The following NELL1 variants were observed in gnomAD, a reference collection of about 807,000 sequenced individuals.
NELL1 encodes the protein protein kinase C-binding protein NELL1.
Under a neutral mutation model 107.4 loss-of-function variants are expected in NELL1, and 76 were observed. The observed-to-expected ratio is 0.71, with a 90% CI of 0.59 to 0.86. The LOEUF (loss-of-function observed/expected upper bound fraction) is 0.86. NELL1 is among the 40% of genes least tolerant of loss of function. The pLI is 0.00. For missense variants in NELL1, 1,024 were observed against 1,005.5 expected (o/e 1.02, Z -0.25); for synonymous variants, 353 against 341.2 (o/e 1.03, Z -0.38).
At chr11:21,529,855 T>C (rs1855951901) in intron 15 of NELL1, among the ~76,000 whole-genome samples, 1 of 152,190 alleles carries the variant, frequency 6.6e-6, no homozygotes, top group Non-Finnish European at 1.5e-5. Flanking sequence ...TGATGTTTGA[T>C]TTTATCATTC....
chr11:21,168,129 G>A (rs1245038837), intron 13 of NELL1, among the ~76,000 whole-genome samples: 1 of 151,734 alleles, frequency 6.6e-6, no homozygotes. Flanking sequence ...TGGTGTTTAA[G>A]TATTTGTAAA....
At chr11:20,774,837 C>T (rs1856717689) in intron 2 of NELL1, among the ~76,000 whole-genome samples, 1 of 151,990 alleles carries the variant, frequency 6.6e-6, no homozygotes, top group African/African-American at 2.4e-5. Context: ...ACCTTTGGTG[C>T]TTAGAGTTTT....
chr11:20,765,067 A>T (rs1042909478), intron 2 of NELL1, among the ~76,000 whole-genome samples: 2 of 152,102 alleles, frequency 1.3e-5, no homozygotes, highest in Non-Finnish European at 2.9e-5. Context: ...CTGAGGTAGG[A>T]GGATTGCTTA....
At chr11:21,508,486 A>G (rs1209434719) in intron 15 of NELL1, among the ~76,000 whole-genome samples, 14 of 152,170 alleles carry the variant, frequency 9.2e-5, no homozygotes, top group Admixed American at 9.2e-4. Context: ...GAAAATAAAA[A>G]GGGGACATAT....
chr11:20,711,430 A>G (rs191268718), intron 2 of NELL1, among the ~76,000 whole-genome samples: 131 of 152,118 alleles, frequency 8.6e-4, no homozygotes, highest in Non-Finnish European at 1.5e-3. Context: ...GTTGTTGCCT[A>G]AGTACCTTGT....
intron 16 of NELL1, among the ~76,000 whole-genome samples, chr11:21,537,306 C>T (rs1394103757): frequency 6.6e-6 from 1 of 152,120 alleles, no homozygotes; most frequent in East Asian, 1.9e-4. Flanking sequence ...ATATGGCCTT[C>T]ATGGTTTTAG....
chr11:20,884,884 T>A (rs1483392456), intron 4 of NELL1, among the ~76,000 whole-genome samples: 1 of 152,244 alleles, frequency 6.6e-6, no homozygotes, highest in Non-Finnish European at 1.5e-5. Flanking sequence ...GGACGATGAC[T>A]TAAGCTGTGT....
intron 3 of NELL1, among the ~76,000 whole-genome samples, chr11:20,826,040 C>G (rs1857876087): frequency 6.6e-6 from 1 of 151,442 alleles, no homozygotes; most frequent in East Asian, 1.9e-4. Flanking sequence ...CCACTTTGCT[C>G]TGCACTTCTT....
At chr11:20,948,254 T>A (rs1444286101) in intron 11 of NELL1, among the ~76,000 whole-genome samples, 1 of 151,978 alleles carries the variant, frequency 6.6e-6, no homozygotes, top group Non-Finnish European at 1.5e-5. Flanking sequence ...GGTCTTGCTA[T>A]GTTGCCCAGG....
At chr11:20,807,675 T>A (rs1004893885) in intron 3 of NELL1, among the ~76,000 whole-genome samples, 1 of 152,226 alleles carries the variant, frequency 6.6e-6, no homozygotes, top group African/African-American at 2.4e-5. Flanking sequence ...AGAGATTCCA[T>A]CTGGGAGCCA....
In NELL1 at chr11:21,553,256, T is replaced by C. The variant is rs117455496; in HGVS notation, c.1787-6933T>C. On this transcript the variant is annotated intron_variant, in intron 16 of 19. Coordinates refer to ENST00000357134, the MANE Select transcript of NELL1 (RefSeq NM_006157.5). ...TCACCTTGGCTGGATTCCCCATGTG[T>C]ATTTGTCACCGAGGATTACATTGCC... Among the ~76,000 whole-genome samples the C allele has an allele frequency of 6.2e-3, 947 of 151,950 alleles. 7 individuals are homozygous for C. Among genetic ancestry groups the C allele is most frequent in the Non-Finnish European group, 0.01 (710 of 67,866 alleles).
At chr11:20,976,575 T>G (rs892292584) in intron 12 of NELL1, among the ~76,000 whole-genome samples, 1 of 152,218 alleles carries the variant, frequency 6.6e-6, no homozygotes, top group African/African-American at 2.4e-5. Context: ...TTAGAACATT[T>G]TACATACCAG....
At chr11:21,113,738 T>G in intron 13 of NELL1, 24 bp downstream of exon 13, 1 of 1,606,244 alleles carries the variant, frequency 6.2e-7, no homozygotes. Context: ...AGCAGTGTTG[T>G]TTTTTTAATT....
At chr11:21,262,000 T>A (rs1178703101) in intron 14 of NELL1, among the ~76,000 whole-genome samples, 2 of 151,918 alleles carry the variant, frequency 1.3e-5, no homozygotes, top group Non-Finnish European at 2.9e-5. Flanking sequence ...GTATCGTTTA[T>A]GTTATTACGA....
At chr11:21,300,332 G>T (rs535417737) in intron 14 of NELL1, among the ~76,000 whole-genome samples, 9 of 151,978 alleles carry the variant, frequency 5.9e-5, no homozygotes, top group Non-Finnish European at 1.3e-4. Context: ...TTACAGAGGA[G>T]AAGGAGGAAG....
At chr11:21,541,864 G>T (rs1295933155) in intron 16 of NELL1, among the ~76,000 whole-genome samples, 1 of 152,052 alleles carries the variant, frequency 6.6e-6, no homozygotes, top group Non-Finnish European at 1.5e-5. Flanking sequence ...CTTCACCTCA[G>T]TTCCCTCACC....
intron 13 of NELL1, among the ~76,000 whole-genome samples, chr11:21,162,567 T>C (rs1299486303): frequency 6.6e-6 from 1 of 152,208 alleles, no homozygotes; most frequent in East Asian, 1.9e-4. Context: ...TTCTGAATAG[T>C]TCCTATGTCA....
chr11:21,471,972 G>A (rs945830360), intron 15 of NELL1, among the ~76,000 whole-genome samples: 1 of 151,894 alleles, frequency 6.6e-6, no homozygotes, highest in African/African-American at 2.4e-5. Flanking sequence ...AAAGAAACAA[G>A]GTACAGTACA....
Position 21,149,792 on chromosome 11 carries a change from T to C in NELL1, c.1426+36078T>C, listed in dbSNP as rs7942100. On this transcript the variant is annotated intron_variant, in intron 13 of 19. Coordinates refer to ENST00000357134, the MANE Select transcript of NELL1 (RefSeq NM_006157.5). ...CTCATGGAGCTTATATTCTAGGTAG[T>C]GAAAAGAGAAAGTAAACAGGTTTTC... is the stretch of plus-strand genomic sequence containing the variant. 1.4e-3 allele frequency among the ~76,000 whole-genome samples: 220 copies of C among 152,236 alleles called. 2 individuals are homozygous for C. The highest frequency in any genetic ancestry group is 5.1e-3 in the African/African-American group (210 of 41,546).
Sources: allele counts gnomAD v4.1 joint callset (sites outside exome capture counted in the v4.1 genomes callset), GRCh38; gene constraint gnomAD v4.1.1; transcripts MANE v1.5; gene names NCBI Gene and HGNC (gene_info 2026-07-23, HGNC 2026-07-21).